The following ATRX variants were observed in gnomAD, a reference collection of about 807,000 sequenced individuals.
ATRX encodes the protein ATRX chromatin remodeler, also known as chromatin remodeler ATRX.
ATRX carries 12 observed loss-of-function variants against 172.6 expected under a neutral mutation model. That is an observed-to-expected ratio of 0.07 (90% CI 0.04 to 0.11). The LOEUF is 0.11. ATRX is among the 10% of genes least tolerant of loss of function. The pLI is 1.00. For synonymous variants in ATRX, 674 were observed against 594.7 expected (o/e 1.13, Z -1.94); for missense variants, 1,368 against 1,767.4 (o/e 0.77, Z 4.05).
Position 77,531,030 on chromosome X carries a change from C to T in ATRX, c.6700-7629G>A, listed in dbSNP as rs905310508. On this transcript the variant is annotated intron_variant, in intron 30 of 34. Coordinates refer to ENST00000373344, the MANE Select transcript of ATRX (RefSeq NM_000489.6). The stretch of plus-strand genomic sequence containing the variant: ...CCTCTGCGCATATAAACTAGAAAAT[C>T]CAGAAGAAACAGACAATTTCCTGGA... 4.5e-5 allele frequency among the ~76,000 whole-genome samples: 5 copies of T among 111,789 alleles called. No homozygotes were observed. The Admixed American group carries it at 4.7e-4, about 11-fold the overall frequency.
chrX:77,529,944 T>C (rs535314603), intron 30 of ATRX, among the ~76,000 whole-genome samples: 1 of 112,158 alleles, frequency 8.9e-6, no homozygotes, highest in African/African-American at 3.2e-5. Flanking sequence ...CTCTGCATCA[T>C]GTGGACCTGA....
intron 34 of ATRX, among the ~76,000 whole-genome samples, chrX:77,517,463 T>C (rs1365195020): frequency 2.7e-5 from 3 of 111,712 alleles, no homozygotes; most frequent in African/African-American, 9.7e-5. Flanking sequence ...TCTACCAAGA[T>C]TGAAACATTA....
At chrX:77,631,299 G>A (rs782727315) in intron 19 of ATRX, among the ~76,000 whole-genome samples, 3 of 110,730 alleles carry the variant, frequency 2.7e-5, no homozygotes, top group Admixed American at 1.9e-4. Context: ...AAATAAATGG[G>A]TAAGAAAAGA....
At chrX:77,622,139 G>C (rs1313005524) in intron 19 of ATRX, among the ~76,000 whole-genome samples, 2 of 111,441 alleles carry the variant, frequency 1.8e-5, no homozygotes, top group African/African-American at 6.5e-5. Flanking sequence ...TAAACCCTTT[G>C]ACCCATATTT....
Position 77,558,638 on chromosome X carries a change from T to C in ATRX, c.6504+31A>G, listed in dbSNP as rs781996373. The C allele has an allele frequency of 3.6e-6, 4 of 1,117,887 alleles. No homozygotes were observed. The South Asian group carries it at 7.5e-5, about 21-fold the overall frequency. 92.1% of individuals were successfully genotyped at this position (1,117,887 alleles called of 1,213,427 possible). ...AAATATTATCAGTTTCACATAAACT[T>C]TCAATATGAAAAAGAGAATTATAAA... On this transcript the variant is annotated intron_variant, in intron 29 of 34. Coordinates refer to ENST00000373344, the MANE Select transcript of ATRX (RefSeq NM_000489.6).
intron 10 of ATRX, among the ~76,000 whole-genome samples, chrX:77,667,334 T>C (rs1162032068): frequency 9.2e-6 from 1 of 108,339 alleles, no homozygotes; most frequent in Admixed American, 1.0e-4. Context: ...TGTGTGTGTG[T>C]GTGTGTGTAT....
intron 1 of ATRX, among the ~76,000 whole-genome samples, chrX:77,760,965 A>G (rs782054885): frequency 1.8e-5 from 2 of 112,036 alleles, no homozygotes; most frequent in South Asian, 7.3e-4. Context: ...AAGTTCAAGG[A>G]AAAGTTCAAA....
chrX:77,537,212 C>G (rs1252235219), intron 30 of ATRX, among the ~76,000 whole-genome samples: 1 of 111,863 alleles, frequency 8.9e-6, no homozygotes, highest in African/African-American at 3.2e-5. Flanking sequence ...TTGCTGAACC[C>G]TCAGTCTTCT....
intron 1 of ATRX, among the ~76,000 whole-genome samples, chrX:77,777,924 CT>C (rs1557203260): frequency 1.8e-5 from 2 of 109,120 alleles, no homozygotes; most frequent in Non-Finnish European, 3.8e-5. Context: ...ATCACGAGGT[CT>C]AGGAGTTCGA....
intron 13 of ATRX, 31 bp downstream of exon 13, chrX:77,656,529 C>T (rs1235273902): frequency 2.7e-6 from 3 of 1,115,638 alleles, no homozygotes; most frequent in Admixed American, 2.2e-5. Context: ...CAGATTAATT[C>T]CTAAAATTTT....
In ATRX at chrX:77,696,562, AT is replaced by A; in HGVS notation, c.370+14del. On this transcript the variant is annotated intron_variant, in intron 5 of 34. Coordinates refer to ENST00000373344, the MANE Select transcript of ATRX (RefSeq NM_000489.6). ...CATTTCAACTTTAACTTCATGAAAA[AT>A]TAACACACATTACCTTTTGGCAAGC... 8.3e-7 allele frequency: 1 copy of A among 1,200,114 alleles called. No individual in the cohort carries two copies. Among genetic ancestry groups the A allele is most frequent in the Non-Finnish European group, 1.1e-6 (1 of 887,048 alleles).
Position 77,683,647 on chromosome X carries a change from C to T in ATRX, c.1609G>A (p.Glu537Lys), listed in dbSNP as rs1557141216. 8.3e-7 allele frequency: 1 copy of T among 1,211,287 alleles called. No individual in the cohort carries two copies. Among genetic ancestry groups the T allele is most frequent in the Non-Finnish European group, 1.1e-6 (1 of 895,103 alleles). The change falls in exon 9 of 35, where the codon GAA (glutamate) becomes AAA (lysine). Residue 537 changes from glutamate to lysine, a missense_variant. Glu to Lys is a moderately conservative substitution (Grantham distance 56, BLOSUM62 1). Around this residue, in one of 17 missense-constraint regions of ATRX, gnomAD observed 843 missense variants for 643.1 expected, o/e 1.31. Transcript: ENST00000373344. ...TGATGATCAACTGAACTCTGAACTT[C>T]CATAGCAGTCTCAAGATTCTCAAAA... ...DIFENLETAM[E>K]VQSSVDHQGD...
chrX:77,718,586 GGATGGTCTCTATCTCCT>G (rs1311806447), intron 1 of ATRX, among the ~76,000 whole-genome samples: 1 of 109,739 alleles, frequency 9.1e-6, no homozygotes, highest in African/African-American at 3.3e-5. Flanking sequence ...GTGTTAGCCA[GGATGGTCTCTATCTCCT>G]GACCTCGTGA....
intron 1 of ATRX, among the ~76,000 whole-genome samples, chrX:77,776,266 T>C (rs1419691195): frequency 8.9e-6 from 1 of 112,127 alleles, no homozygotes; most frequent in Non-Finnish European, 1.9e-5. Context: ...TGTTCATCAA[T>C]GCACTACTTA....
intron 1 of ATRX, among the ~76,000 whole-genome samples, chrX:77,785,168 C>A (rs1158613429): frequency 2.7e-5 from 3 of 111,233 alleles, no homozygotes; most frequent in African/African-American, 9.8e-5. Context: ...TCTTACTTCG[C>A]ATCAGCCCAC....
intron 30 of ATRX, among the ~76,000 whole-genome samples, chrX:77,545,600 C>G (rs1443883025): frequency 1.8e-5 from 2 of 110,715 alleles, no homozygotes; most frequent in African/African-American, 3.3e-5. Context: ...GGAGATAAGA[C>G]TGAGATACTC....
At chrX:77,664,177 T>C (rs991253470) in intron 11 of ATRX, among the ~76,000 whole-genome samples, 1 of 112,150 alleles carries the variant, frequency 8.9e-6, no homozygotes, top group Non-Finnish European at 1.9e-5. Flanking sequence ...TATTACAAGA[T>C]ATTCAAGAGA....
intron 5 of ATRX, among the ~76,000 whole-genome samples, chrX:77,695,109 T>C (rs1041526580): frequency 9.4e-6 from 1 of 106,142 alleles, no homozygotes; most frequent in East Asian, 2.9e-4. Flanking sequence ...CTAGGGAGAA[T>C]TGGAAGCAAA....
At chrX:77,656,408 T>C in intron 13 of ATRX, 152 bp downstream of exon 13, 1 of 482,161 alleles carries the variant, frequency 2.1e-6, no homozygotes, top group South Asian at 3.3e-5. Flanking sequence ...CTTAGATTCT[T>C]TTTAAACTAT....
Sources: allele counts gnomAD v4.1 joint callset (sites outside exome capture counted in the v4.1 genomes callset), GRCh38; gene constraint gnomAD v4.1.1; regional missense constraint gnomAD v4.1.1; transcripts MANE v1.5; gene names NCBI Gene and HGNC (gene_info 2026-07-23, HGNC 2026-07-21).